The following FAT3 variants were observed in gnomAD, a reference collection of about 807,000 sequenced individuals.
The protein encoded by FAT3 is FAT atypical cadherin 3, also known as protocadherin Fat 3.
A neutral mutation model predicts 310.2 loss-of-function variants in FAT3; 95 were observed. That is an observed-to-expected ratio of 0.31 (90% confidence interval 0.26 to 0.36). The LOEUF (loss-of-function observed/expected upper bound fraction) is 0.36, where lower values mean the gene tolerates loss of function less well. FAT3 is among the 10% of genes least tolerant of loss of function. FAT3 has a pLI of 1.00. For missense variants in FAT3, 5,408 were observed against 5,715.6 expected (o/e 0.95, Z 1.74); for synonymous variants, 2,314 against 2,192.9 (o/e 1.06, Z -1.54).
chr11:92,718,643 C>G (rs1423967914), intron 4 of FAT3, among the ~76,000 whole-genome samples: 1 of 152,074 alleles, frequency 6.6e-6, no homozygotes, highest in Non-Finnish European at 1.5e-5. Flanking sequence ...TTTCTCTACC[C>G]TCTCCATCCT....
intron 7 of FAT3, among the ~76,000 whole-genome samples, chr11:92,782,050 A>T (rs932039472): frequency 6.6e-6 from 1 of 152,124 alleles, no homozygotes; most frequent in Non-Finnish European, 1.5e-5. Flanking sequence ...TGGCTCACAT[A>T]TGAATCCCAA....
Position 92,884,171 on chromosome 11 carries a change from GAAC to G in FAT3, c.12937+780_12937+782del, listed in dbSNP as rs892374204. Among the ~76,000 whole-genome samples, 3 of 152,194 alleles carry G rather than the reference GAAC, an allele frequency of 2.0e-5. No homozygotes were observed. The South Asian group carries it at 6.2e-4, about 32-fold the overall frequency. On this transcript the variant is annotated intron_variant, in intron 24 of 27. Coordinates refer to ENST00000525166, the MANE Select transcript of FAT3 (RefSeq NM_001367949.2). ...GTGGGAAGGAGCTTGGTGTGTAGAAGAACACAGAGGAGGTCGGTGCAGTTGGAG... is the reference window on the plus strand; with the variant it reads ...GTGGGAAGGAGCTTGGTGTGTAGAAGACAGAGGAGGTCGGTGCAGTTGGAG...
chr11:92,240,025 A>G (rs1864610047), intron 1 of FAT3, among the ~76,000 whole-genome samples: 1 of 152,106 alleles, frequency 6.6e-6, no homozygotes, highest in Admixed American at 6.6e-5. Context: ...GTTATTTTTT[A>G]TGCCTTTCGA....
At chr11:92,325,822 G>C (rs538575592) in intron 1 of FAT3, among the ~76,000 whole-genome samples, 11 of 152,172 alleles carry the variant, frequency 7.2e-5, no homozygotes, top group African/African-American at 2.7e-4. Context: ...AGTAGATACC[G>C]GGTTTCACCG....
intron 2 of FAT3, among the ~76,000 whole-genome samples, chr11:92,467,482 G>T (rs1951794449): frequency 6.6e-6 from 1 of 152,070 alleles, no homozygotes; most frequent in Admixed American, 6.6e-5. Context: ...TCCCTACTTT[G>T]TGTAAAGACA....
chr11:92,707,142 G>A (rs1278223158), intron 4 of FAT3, among the ~76,000 whole-genome samples: 4 of 152,192 alleles, frequency 2.6e-5, no homozygotes, highest in African/African-American at 9.6e-5. Flanking sequence ...TTTGTGAAAG[G>A]TTGTGTTTAT....
intron 1 of FAT3, chr11:92,335,940 T>A: frequency 5.5e-6 from 2 of 360,826 alleles, no homozygotes; most frequent in South Asian, 4.8e-5. Context: ...CCTATGGATT[T>A]TTTTTTCAGA....
At chr11:92,584,235 C>CATAG (rs1235323398) in intron 3 of FAT3, among the ~76,000 whole-genome samples, 1 of 152,016 alleles carries the variant, frequency 6.6e-6, no homozygotes, top group Non-Finnish European at 1.5e-5. Flanking sequence ...GCTGTTCGTA[C>CATAG]ATAGCTTCAA....
rs1948587870 is a variant in FAT3 at position 92,352,229 on chromosome 11, G to A, written c.117G>A (p.Leu39=). ...AGGGGCTGCCAGGGACTGGACCCCT[G>A]GGCTTCCACTTCACACATTCCATTT... The part of the protein sequence containing the change: ...VSQGLPGTGP[L]GFHFTHSIYN... The change falls in exon 2 of 28, where the codon CTG becomes CTA. Residue 39 remains leucine, a synonymous_variant. Coordinates refer to ENST00000525166, the MANE Select transcript of FAT3 (RefSeq NM_001367949.2). The A allele has an allele frequency of 1.4e-6, 2 of 1,388,060 alleles. No homozygotes were observed. Among genetic ancestry groups the A allele is most frequent in the African/African-American group, 2.9e-5 (2 of 68,668 alleles). 86.0% of individuals were successfully genotyped at this position (1,388,060 alleles called of 1,614,324 possible).
At chr11:92,711,611 G>C (rs1944523986) in intron 4 of FAT3, among the ~76,000 whole-genome samples, 1 of 152,128 alleles carries the variant, frequency 6.6e-6, no homozygotes, top group Non-Finnish European at 1.5e-5. Context: ...TCTATCCCTT[G>C]GCTGGATCTG....
At chr11:92,549,878 C>A (rs890692365) in intron 3 of FAT3, among the ~76,000 whole-genome samples, 1 of 152,106 alleles carries the variant, frequency 6.6e-6, no homozygotes, top group Admixed American at 6.6e-5. Flanking sequence ...AATAGGAACG[C>A]TTTACATATA....
At chr11:92,595,108 A>T (rs1404363799) in intron 3 of FAT3, among the ~76,000 whole-genome samples, 2 of 151,544 alleles carry the variant, frequency 1.3e-5, no homozygotes, top group Non-Finnish European at 1.5e-5. Context: ...ATTTTTCACT[A>T]CCTCCTTTTC....
Position 92,353,649 on chromosome 11 carries a change from A to G in FAT3, c.1537A>G (p.Ser513Gly), listed in dbSNP as rs1948636239. ...ENGYITYSIASLNLLPFVINQ... is the reference protein window; with the variant it reads ...ENGYITYSIAGLNLLPFVINQ... ...TGGGTACATCACCTATAGTATCGCT[A>G]GCCTGAATTTGTTACCATTTGTCAT... The change falls in exon 2 of 28, where the codon AGC (serine) becomes GGC (glycine). Residue 513 changes from serine to glycine, a missense_variant. Coordinates refer to ENST00000525166, the MANE Select transcript of FAT3 (RefSeq NM_001367949.2). 4 of 1,613,900 alleles carry G rather than the reference A, an allele frequency of 2.5e-6. No homozygotes were observed. The highest frequency in any genetic ancestry group is 3.4e-6 in the Non-Finnish European group (4 of 1,179,852).
chr11:92,249,924 C>T (rs959058831), intron 1 of FAT3, among the ~76,000 whole-genome samples: 1 of 152,064 alleles, frequency 6.6e-6, no homozygotes, highest in African/African-American at 2.4e-5. Flanking sequence ...GATTGCAAAT[C>T]TATAATTCTG....
Position 92,397,708 on chromosome 11 carries a change from C to T in FAT3, c.3292+42304C>T, listed in dbSNP as rs143989495. On this transcript the variant is annotated intron_variant, in intron 2 of 27. Coordinates refer to ENST00000525166, the MANE Select transcript of FAT3 (RefSeq NM_001367949.2). Reference sequence around the variant, plus strand: ...AGAAGCTCGCTTTTTCCAGAAACTGCCTTCCATCCCCCGCTTGCGAACACG... The same window carrying T: ...AGAAGCTCGCTTTTTCCAGAAACTGTCTTCCATCCCCCGCTTGCGAACACG... Among the ~76,000 whole-genome samples the T allele has an allele frequency of 2.4e-3, 361 of 152,134 alleles. 2 individuals carry two copies. Among genetic ancestry groups the T allele is most frequent in the African/African-American group, 8.1e-3 (338 of 41,520 alleles).
rs1185911170 is a variant in FAT3 at position 92,224,949 on chromosome 11, A to C, written c.-243A>C. Among the ~76,000 whole-genome samples, 1 of 151,814 alleles carries C rather than the reference A, an allele frequency of 6.6e-6. No homozygotes were observed. Among genetic ancestry groups the C allele is most frequent in the Non-Finnish European group, 1.5e-5 (1 of 67,936 alleles). ...CTCTCCTCCCGCTGCTGTTCTCTTC[A>C]TCTCGGCTCCCCTCCTCCGCTTGCG... On this transcript the variant is annotated 5_prime_UTR_variant, in exon 1 of 28. Coordinates refer to ENST00000525166, the MANE Select transcript of FAT3 (RefSeq NM_001367949.2).
chr11:92,498,333 C>T lies in FAT3; in HGVS notation c.3293-26301C>T, dbSNP rs185146365. The T allele has an allele frequency of 7.5e-5, 18 of 238,600 alleles. 1 individual carries two copies. The highest frequency in any genetic ancestry group is 2.5e-4 in the African/African-American group (11 of 43,702). 14.8% of individuals were successfully genotyped at this position (238,600 alleles called of 1,614,324 possible). A position where few individuals can be genotyped will look rare whatever the true frequency, so the allele number is the denominator to read the frequency against. ...AACATCATGAAGAGGATAAATAGAT[C>T]GGCAAGCCTTTTCTTTGTCTTTTCC... On this transcript the variant is annotated intron_variant, in intron 2 of 27. Transcript: ENST00000525166.
chr11:92,712,098 T>C (rs1415231285), intron 4 of FAT3, among the ~76,000 whole-genome samples: 1 of 152,124 alleles, frequency 6.6e-6, no homozygotes, highest in African/African-American at 2.4e-5. Flanking sequence ...GGTGACAAAT[T>C]GTAGTGTAAA....
intron 3 of FAT3, among the ~76,000 whole-genome samples, chr11:92,634,435 A>G (rs1941681085): frequency 6.6e-6 from 1 of 152,222 alleles, no homozygotes; most frequent in African/African-American, 2.4e-5. Context: ...TTTTGTTCAT[A>G]GTATCTCCTC....
Sources: allele counts gnomAD v4.1 joint callset (sites outside exome capture counted in the v4.1 genomes callset), GRCh38; gene constraint gnomAD v4.1.1; transcripts MANE v1.5; gene names NCBI Gene and HGNC (gene_info 2026-07-23, HGNC 2026-07-21).